STX8: variants seen among roughly 807,000 people sequenced by gnomAD.
STX8 encodes syntaxin 8, also known as syntaxin-8.
In STX8, 23 loss-of-function variants were observed where a neutral mutation model predicts 37.5. That is an observed-to-expected ratio of 0.61 (90% confidence interval 0.44 to 0.87). The LOEUF is 0.87. STX8 is among the 40% of genes least tolerant of loss of function. STX8 has a pLI of 0.00. For synonymous variants in STX8, 115 were observed against 99.1 expected, an observed-to-expected ratio of 1.16 and a Z score of -0.95; for missense variants, 313 against 284.7, an observed-to-expected ratio of 1.10 and a Z score of -0.71.
intron 6 of STX8, among the ~76,000 whole-genome samples, chr17:9,436,946 G>T (rs1456632727): frequency 2.0e-5 from 3 of 152,170 alleles, no homozygotes; most frequent in Non-Finnish European, 2.9e-5. Context: ...TTTAGGACAG[G>T]CAAGCAATCA....
chr17:9,528,943 A>G (rs1483938758), intron 4 of STX8, among the ~76,000 whole-genome samples: 4 of 152,112 alleles, frequency 2.6e-5, no homozygotes, highest in Non-Finnish European at 4.4e-5. Flanking sequence ...GAGAGAAAGA[A>G]ACAAGAATAA....
chr17:9,541,054 A>G (rs1422197896), intron 4 of STX8, among the ~76,000 whole-genome samples: 1 of 152,164 alleles, frequency 6.6e-6, no homozygotes, highest in Non-Finnish European at 1.5e-5. Flanking sequence ...AGGTCCTCAG[A>G]AGGCCTCCAT....
intron 6 of STX8, among the ~76,000 whole-genome samples, chr17:9,418,810 G>A (rs1403872346): frequency 9.7e-6 from 1 of 103,578 alleles, no homozygotes; most frequent in Admixed American, 1.6e-4. Context: ...CTGGGCGACA[G>A]AGCAAGACTC....
At chr17:9,559,780 T>TTTTTTTTTA (rs1663311324) in intron 2 of STX8, among the ~76,000 whole-genome samples, 3 of 129,588 alleles carry the variant, frequency 2.3e-5, no homozygotes, top group East Asian at 2.2e-4. Context: ...TTTTTTTTTT[T>TTTTTTTTTA]GAGACAGAGT....
At chr17:9,518,189 C>A (rs576885975) in intron 4 of STX8, among the ~76,000 whole-genome samples, 2 of 152,132 alleles carry the variant, frequency 1.3e-5, no homozygotes, top group Non-Finnish European at 2.9e-5. Flanking sequence ...ACTCCACTTC[C>A]TGACCCCCGT....
At chr17:9,455,716 C>G (rs1905168464) in intron 6 of STX8, among the ~76,000 whole-genome samples, 1 of 151,976 alleles carries the variant, frequency 6.6e-6, no homozygotes. Context: ...AAAGGAGAAA[C>G]TTAAAATATG....
chr17:9,379,541 C>T (rs969576808), intron 6 of STX8, among the ~76,000 whole-genome samples: 16 of 152,196 alleles, frequency 1.1e-4, no homozygotes, highest in African/African-American at 3.1e-4. Flanking sequence ...ATTTCTTCAT[C>T]TCTCGCAACG....
intron 6 of STX8, among the ~76,000 whole-genome samples, chr17:9,397,076 C>T (rs1242826317): frequency 6.6e-6 from 1 of 152,144 alleles, no homozygotes; most frequent in Non-Finnish European, 1.5e-5. Flanking sequence ...ATTCTGACAC[C>T]GCTATACATG....
intron 6 of STX8, among the ~76,000 whole-genome samples, chr17:9,485,596 T>A (rs1906556201): frequency 6.6e-6 from 1 of 151,472 alleles, no homozygotes; most frequent in Admixed American, 6.6e-5. Context: ...TTTTGGTTTT[T>A]TTTTTTTGAG....
chr17:9,534,892 TAA>T (rs1472908690), intron 4 of STX8, among the ~76,000 whole-genome samples: 2 of 151,868 alleles, frequency 1.3e-5, no homozygotes, highest in African/African-American at 4.8e-5. Context: ...TACTAGCACA[TAA>T]GTAGACAGAA....
At chr17:9,267,996 G>GAAAAAAAAAAAAAAAAAA in intron 7 of STX8, among the ~76,000 whole-genome samples, 1 of 121,286 alleles carries the variant, frequency 8.2e-6, no homozygotes, top group Non-Finnish European at 1.7e-5. Context: ...TGCCTAAAAA[G>GAAAAAAAAAAAAAAAAAA]AAAAAAAAAA....
At chr17:9,250,797 G>T in intron 7 of STX8, 152 bp from the exon 8 acceptor site, 1 of 760,186 alleles carries the variant, frequency 1.3e-6, no homozygotes, top group Non-Finnish European at 2.1e-6. Flanking sequence ...GGCCTGGGGC[G>T]CCGCTGCTGC....
chr17:9,378,387 A>C, intron 7 of STX8, 165 bp downstream of exon 7: 1 of 597,728 alleles, frequency 1.7e-6, no homozygotes, highest in Non-Finnish European at 3.0e-6. Context: ...TTTCATTTTG[A>C]CCAGATTTAA....
At chr17:9,443,285 A>G (rs1345235637) in intron 6 of STX8, among the ~76,000 whole-genome samples, 1 of 152,192 alleles carries the variant, frequency 6.6e-6, no homozygotes, top group Non-Finnish European at 1.5e-5. Context: ...AAGCAGCCAT[A>G]GGGCCTTCAA....
chr17:9,394,779 A>C (rs894487264), intron 6 of STX8, among the ~76,000 whole-genome samples: 7 of 151,930 alleles, frequency 4.6e-5, no homozygotes, highest in Non-Finnish European at 1.0e-4. Flanking sequence ...AAAGTTTAAA[A>C]AAGTTTGGCC....
intron 7 of STX8, among the ~76,000 whole-genome samples, chr17:9,342,165 G>A (rs1184377755): frequency 2.0e-5 from 3 of 152,160 alleles, no homozygotes; most frequent in Non-Finnish European, 4.4e-5. Context: ...GTTCACAATA[G>A]GGTTTGCGCT....
chr17:9,353,632 T>G (rs1910781906), intron 7 of STX8, among the ~76,000 whole-genome samples: 1 of 152,162 alleles, frequency 6.6e-6, no homozygotes, highest in South Asian at 2.1e-4. Context: ...ACAAAGCAGA[T>G]CCAGAATTAC....
chr17:9,472,483 T>G (rs1905913713), intron 6 of STX8, among the ~76,000 whole-genome samples: 2 of 152,200 alleles, frequency 1.3e-5, no homozygotes, highest in Non-Finnish European at 2.9e-5. Flanking sequence ...AGATTCCCCT[T>G]CCTGCAGAGG....
At chr17:9,333,517 A>G (rs2142220654) in intron 7 of STX8, among the ~76,000 whole-genome samples, 1 of 152,180 alleles carries the variant, frequency 6.6e-6, no homozygotes, top group Admixed American at 6.5e-5. Flanking sequence ...CCTCCCGAGT[A>G]GCTGGGACTA....
Sources: gnomAD v4.1 joint callset for allele counts (sites outside exome capture counted in the v4.1 genomes callset) on GRCh38, gnomAD v4.1.1 for gene constraint, MANE v1.5 for transcripts, NCBI Gene and HGNC (gene_info 2026-07-23, HGNC 2026-07-21) for gene names.